Variants in PLCB1 observed in about 807,000 individuals in gnomAD.
PLCB1 encodes 1-phosphatidylinositol 4,5-bisphosphate phosphodiesterase beta-1.
A neutral mutation model predicts 161.8 loss-of-function variants in PLCB1; 46 were observed. The observed-to-expected ratio is 0.28, with a 90% CI of 0.22 to 0.36. The LOEUF is 0.36. Ranked by LOEUF, PLCB1 falls within the 10% of genes least tolerant of loss-of-function variation. PLCB1 has a pLI of 1.00. For synonymous variants in PLCB1, 517 were observed against 503.7 expected, an observed-to-expected ratio of 1.03 and a Z score of -0.35; for missense variants, 1,016 against 1,472.5, an observed-to-expected ratio of 0.69 and a Z score of 5.07.
intron 31 of PLCB1, 136 bp from the exon 32 acceptor site, chr20:8,881,486 T>A: frequency 1.4e-6 from 1 of 706,808 alleles, no homozygotes; most frequent in Admixed American, 2.4e-5. Flanking sequence ...ATCTCCTCTA[T>A]AGGTGACCAG....
chr20:8,762,099 A>G (rs535835084), intron 25 of PLCB1, among the ~76,000 whole-genome samples: 1 of 152,040 alleles, frequency 6.6e-6, no homozygotes, highest in Non-Finnish European at 1.5e-5. Context: ...AATCCCAGCT[A>G]CTCAGGAAGC....
intron 1 of PLCB1, among the ~76,000 whole-genome samples, chr20:8,139,088 T>TG: frequency 7.7e-6 from 1 of 129,530 alleles, no homozygotes; most frequent in African/African-American, 3.3e-5. Context: ...AGGGTTTTTT[T>TG]TTTTTTTTTT....
intron 3 of PLCB1, among the ~76,000 whole-genome samples, chr20:8,379,414 G>A (rs1987195248): frequency 6.6e-6 from 1 of 152,146 alleles, no homozygotes. Context: ...ATAAACATAT[G>A]TGTGCATGCG....
intron 2 of PLCB1, among the ~76,000 whole-genome samples, chr20:8,317,682 A>AT (rs1019328520): frequency 6.6e-6 from 1 of 152,172 alleles, no homozygotes; most frequent in African/African-American, 2.4e-5. Context: ...TCCAATCCAG[A>AT]TTATTCTTAG....
At chr20:8,137,380 T>A (rs1315132381) in intron 1 of PLCB1, among the ~76,000 whole-genome samples, 2 of 152,200 alleles carry the variant, frequency 1.3e-5, no homozygotes, top group Non-Finnish European at 2.9e-5. Flanking sequence ...TCTGAGTTGG[T>A]AGCTGGCTGA....
chr20:8,792,695 A>T, intron 31 of PLCB1: 1 of 462,616 alleles, frequency 2.2e-6, no homozygotes, highest in Admixed American at 2.5e-5. Context: ...TCCATGTCAA[A>T]CTAAAGCATT....
At chr20:8,745,963 G>A (rs773001138) in intron 23 of PLCB1, among the ~76,000 whole-genome samples, 5 of 152,176 alleles carry the variant, frequency 3.3e-5, no homozygotes, top group African/African-American at 4.8e-5. Flanking sequence ...ACAGAGTCTC[G>A]CTCTGTCGTC....
chr20:8,470,799 AT>A (rs963889720), intron 3 of PLCB1, among the ~76,000 whole-genome samples: 5 of 151,150 alleles, frequency 3.3e-5, no homozygotes, highest in African/African-American at 4.9e-5. Context: ...CCATTTTTTA[AT>A]TTTTTTTTCT....
intron 26 of PLCB1, 41 bp from the exon 27 acceptor site, chr20:8,774,498 T>C: frequency 6.5e-7 from 1 of 1,548,716 alleles, no homozygotes. Context: ...CACCTTGTTA[T>C]GGCCTGTCTG....
At chr20:8,510,449 G>A (rs542384497) in intron 3 of PLCB1, among the ~76,000 whole-genome samples, 197 of 145,952 alleles carry the variant, frequency 1.3e-3, no homozygotes, top group African/African-American at 4.7e-3. Context: ...GCAGTGGCGC[G>A]ATCTTGGCTC....
At chr20:8,175,349 A>G (rs968716310) in intron 2 of PLCB1, among the ~76,000 whole-genome samples, 1 of 152,172 alleles carries the variant, frequency 6.6e-6, no homozygotes, top group African/African-American at 2.4e-5. Flanking sequence ...CCATACACAT[A>G]TGCTCTGCTG....
intron 2 of PLCB1, among the ~76,000 whole-genome samples, chr20:8,241,709 T>A (rs1208813117): frequency 6.6e-6 from 1 of 151,632 alleles, no homozygotes; most frequent in Admixed American, 6.6e-5. Context: ...GAATAACACA[T>A]CAACTAGTAT....
chr20:8,493,514 A>G (rs2122783460), intron 3 of PLCB1, among the ~76,000 whole-genome samples: 1 of 152,356 alleles, frequency 6.6e-6, no homozygotes, highest in East Asian at 1.9e-4. Flanking sequence ...TGTCTCTGGA[A>G]AATTTATTAA....
chr20:8,461,237 T>A (rs1018647524), intron 3 of PLCB1, among the ~76,000 whole-genome samples: 2 of 152,138 alleles, frequency 1.3e-5, no homozygotes, highest in Non-Finnish European at 2.9e-5. Context: ...CCAAGAATAT[T>A]ATGTATGCAT....
intron 10 of PLCB1, among the ~76,000 whole-genome samples, chr20:8,689,423 G>A (rs141489305): frequency 7.6e-4 from 115 of 152,186 alleles, no homozygotes; most frequent in Middle Eastern, 6.8e-3. Flanking sequence ...TTTTGTTCCC[G>A]TTCTCAGGAA....
chr20:8,675,254 G>A (rs1990047179), intron 9 of PLCB1, among the ~76,000 whole-genome samples: 2 of 152,112 alleles, frequency 1.3e-5, no homozygotes, highest in Admixed American at 1.3e-4. Context: ...TTCCACAAAA[G>A]CGGCCTTGTG....
chr20:8,432,600 A>G (rs532550930), intron 3 of PLCB1, among the ~76,000 whole-genome samples: 1 of 152,344 alleles, frequency 6.6e-6, no homozygotes, highest in East Asian at 1.9e-4. Context: ...CTGCTTTACC[A>G]AATGATTATG....
intron 3 of PLCB1, among the ~76,000 whole-genome samples, chr20:8,424,929 T>A (rs1051103233): frequency 1.4e-4 from 21 of 152,234 alleles, no homozygotes; most frequent in African/African-American, 5.1e-4. Context: ...ATACAGAATC[T>A]TCTTGGGTTC....
At chr20:8,259,746 A>T (rs1401652938) in intron 2 of PLCB1, among the ~76,000 whole-genome samples, 1 of 152,218 alleles carries the variant, frequency 6.6e-6, no homozygotes, top group Non-Finnish European at 1.5e-5. Flanking sequence ...AATCCAAAAT[A>T]TGCCAATTTT....
Sources: gnomAD v4.1 joint callset for allele counts (sites outside exome capture counted in the v4.1 genomes callset) on GRCh38, gnomAD v4.1.1 for gene constraint, MANE v1.5 for transcripts, NCBI Gene and HGNC (gene_info 2026-07-23, HGNC 2026-07-21) for gene names.